Variants in CDH13 observed in about 807,000 individuals in gnomAD.
The protein encoded by CDH13 is cadherin 13.
CDH13 carries 24 observed loss-of-function variants against 63.8 expected under a neutral mutation model. That is an observed-to-expected ratio of 0.38 (90% CI 0.27 to 0.53). The LOEUF (loss-of-function observed/expected upper bound fraction) is 0.53, where lower values mean the gene tolerates loss of function less well. CDH13 is among the 20% of genes least tolerant of loss of function. The pLI is 0.85. For synonymous variants in CDH13, 503 were observed against 355.3 expected (o/e 1.42, Z -4.67); for missense variants, 1,049 against 903.1 (o/e 1.16, Z -2.07).
At chr16:83,065,921 G>A (rs2031973865) in intron 3 of CDH13, among the ~76,000 whole-genome samples, 1 of 152,050 alleles carries the variant, frequency 6.6e-6, no homozygotes, top group African/African-American at 2.4e-5. Flanking sequence ...AAATGGCTTT[G>A]GGACTTAAAA....
intron 5 of CDH13, among the ~76,000 whole-genome samples, chr16:83,281,622 C>T (rs1597656677): frequency 6.6e-6 from 1 of 152,034 alleles, no homozygotes; most frequent in African/African-American, 2.4e-5. Context: ...TAAGCTTAAT[C>T]AGTCTAGGCT....
At chr16:83,125,586 C>G in intron 4 of CDH13, 85 bp downstream of exon 4, 3 of 714,362 alleles carry the variant, frequency 4.2e-6, no homozygotes, top group Non-Finnish European at 7.4e-6. Flanking sequence ...TCTTGGTGAC[C>G]AGCTGGAATT....
intron 2 of CDH13, among the ~76,000 whole-genome samples, chr16:82,956,637 C>G (rs933407641): frequency 1.3e-5 from 2 of 152,184 alleles, no homozygotes; most frequent in African/African-American, 4.8e-5. Context: ...TGACCCAGCC[C>G]CTGATGCCAT....
intron 5 of CDH13, among the ~76,000 whole-genome samples, chr16:83,269,133 C>T (rs1395109921): frequency 2.0e-5 from 3 of 152,206 alleles, no homozygotes; most frequent in Non-Finnish European, 4.4e-5. Context: ...ACAAAAGCAG[C>T]TGCTTTTCTC....
At chr16:83,295,946 A>G (rs900612890) in intron 5 of CDH13, among the ~76,000 whole-genome samples, 1 of 152,216 alleles carries the variant, frequency 6.6e-6, no homozygotes, top group African/African-American at 2.4e-5. Context: ...CAATGGATCA[A>G]TGGATAAACT....
At chr16:83,335,482 C>T (rs1424758602) in intron 5 of CDH13, among the ~76,000 whole-genome samples, 1 of 152,108 alleles carries the variant, frequency 6.6e-6, no homozygotes, top group Non-Finnish European at 1.5e-5. Flanking sequence ...TCCCTGCTTA[C>T]ATGTAGTGAG....
At chr16:83,312,724 A>G (rs149906655) in intron 5 of CDH13, among the ~76,000 whole-genome samples, 7 of 152,278 alleles carry the variant, frequency 4.6e-5, no homozygotes, top group African/African-American at 1.7e-4. Context: ...CATCTCCCAC[A>G]CCATGTAATT....
At chr16:83,239,327 C>G (rs1012398672) in intron 5 of CDH13, among the ~76,000 whole-genome samples, 11 of 152,264 alleles carry the variant, frequency 7.2e-5, no homozygotes, top group African/African-American at 2.4e-4. Flanking sequence ...GGCACTTTGT[C>G]AAGGGTGCGT....
chr16:83,791,152 C>G (rs1257390338), intron 13 of CDH13, among the ~76,000 whole-genome samples: 2 of 151,588 alleles, frequency 1.3e-5, no homozygotes, highest in African/African-American at 2.4e-5. Flanking sequence ...ACCCCCATCT[C>G]TGAAAAAAAG....
At chr16:82,872,017 C>G (rs943953787) in intron 2 of CDH13, among the ~76,000 whole-genome samples, 3 of 152,164 alleles carry the variant, frequency 2.0e-5, no homozygotes, top group Non-Finnish European at 2.9e-5. Context: ...CTGTACTTCT[C>G]TTAGCCAGGC....
At chr16:83,681,416 A>G (rs1044055832) in intron 10 of CDH13, among the ~76,000 whole-genome samples, 4 of 152,156 alleles carry the variant, frequency 2.6e-5, no homozygotes, top group Admixed American at 6.5e-5. Flanking sequence ...GTGTGTGTGC[A>G]TGTGCATATG....
chr16:83,764,162 A>G (rs1264555069), intron 11 of CDH13, among the ~76,000 whole-genome samples: 1 of 152,186 alleles, frequency 6.6e-6, no homozygotes, highest in Non-Finnish European at 1.5e-5. Flanking sequence ...TCATTACAGA[A>G]TCATGAGTGC....
At chr16:83,107,571 T>C (rs927903005) in intron 3 of CDH13, among the ~76,000 whole-genome samples, 6 of 151,986 alleles carry the variant, frequency 3.9e-5, no homozygotes, top group Admixed American at 1.3e-4. Context: ...ATCTGAAAAA[T>C]AGGGAAACTC....
chr16:82,750,922 T>A (rs2034388457), intron 1 of CDH13, among the ~76,000 whole-genome samples: 1 of 152,200 alleles, frequency 6.6e-6, no homozygotes, highest in South Asian at 2.1e-4. Flanking sequence ...TAAATATTCT[T>A]AATTTAGACA....
chr16:82,824,255 A>G (rs959727043), intron 1 of CDH13: 19 of 152,202 alleles, frequency 1.2e-4, no homozygotes, highest in African/African-American at 4.3e-4. Flanking sequence ...AAAATTATTT[A>G]TAGGTTACCT....
chr16:82,695,577 A>G (rs1283087718), intron 1 of CDH13, among the ~76,000 whole-genome samples: 2 of 152,104 alleles, frequency 1.3e-5, no homozygotes, highest in East Asian at 3.9e-4. Flanking sequence ...GAACCATCTC[A>G]TGGCATTGTT....
intron 5 of CDH13, among the ~76,000 whole-genome samples, chr16:83,318,256 G>GACCCACA (rs2090146945): frequency 1.3e-5 from 2 of 152,080 alleles, no homozygotes; most frequent in Admixed American, 6.5e-5. Context: ...TCCTGAGTGT[G>GACCCACA]GGTTGTCTAG....
intron 10 of CDH13, among the ~76,000 whole-genome samples, chr16:83,723,102 T>G (rs1011259661): frequency 2.6e-5 from 4 of 152,236 alleles, no homozygotes; most frequent in Non-Finnish European, 5.9e-5. Flanking sequence ...AGTCTGAAAC[T>G]GGTTACCAGA....
intron 5 of CDH13, among the ~76,000 whole-genome samples, chr16:83,255,900 G>C (rs1391063270): frequency 6.6e-6 from 1 of 152,138 alleles, no homozygotes; most frequent in Admixed American, 6.5e-5. Flanking sequence ...CTAGCACTAA[G>C]CTTGGCACAT....
Sources: allele counts gnomAD v4.1 joint callset (sites outside exome capture counted in the v4.1 genomes callset), GRCh38; gene constraint gnomAD v4.1.1; transcripts MANE v1.5; gene names NCBI Gene and HGNC (gene_info 2026-07-23, HGNC 2026-07-21).